VSX2: variants seen among roughly 807,000 people sequenced by gnomAD.
VSX2 encodes the protein ceh-10 homeo domain containing homolog.
A neutral mutation model predicts 32.1 loss-of-function variants in VSX2; 28 were observed. The ratio of observed to expected loss-of-function variants is 0.87; its 90% CI spans 0.65 to 1.20. The LOEUF is 1.20. VSX2 is among the 50% of genes most tolerant of loss of function. The probability of loss-of-function intolerance (pLI) is 0.00; values close to 1 mark genes in which losing one functional copy is unlikely to be tolerated. For synonymous variants in VSX2, 243 were observed against 214.1 expected (o/e 1.14, Z -1.18); for missense variants, 506 against 488.7 (o/e 1.04, Z -0.33).
chr14:74,258,671 G>A (rs2079283701), intron 3 of VSX2, among the ~76,000 whole-genome samples: 1 of 152,136 alleles, frequency 6.6e-6, no homozygotes, highest in Non-Finnish European at 1.5e-5. Flanking sequence ...GGAAATCTCC[G>A]GAAAGCTGCT....
At chr14:74,248,360 A>AAAAAAAAAAAAAAGAG (rs2079207802) in intron 3 of VSX2, among the ~76,000 whole-genome samples, 1 of 117,506 alleles carries the variant, frequency 8.5e-6, no homozygotes, top group Non-Finnish European at 2.0e-5. Flanking sequence ...AACAAAAAAA[A>AAAAAAAAAAAAAAGAG]CCAAAAACGA....
intron 3 of VSX2, 137 bp downstream of exon 3, chr14:74,245,425 C>A: frequency 1.6e-6 from 2 of 1,243,452 alleles, no homozygotes; most frequent in Non-Finnish European, 1.1e-6. Context: ...TGTTCTCAGC[C>A]TATTTAAGCT....
At chr14:74,252,070 T>C (rs926234058) in intron 3 of VSX2, among the ~76,000 whole-genome samples, 12 of 152,190 alleles carry the variant, frequency 7.9e-5, no homozygotes, top group Non-Finnish European at 1.5e-4. Flanking sequence ...TGGGAGATGA[T>C]TGAGGGATGG....
chr14:74,256,150 G>T (rs2079261044), intron 3 of VSX2, among the ~76,000 whole-genome samples: 1 of 152,128 alleles, frequency 6.6e-6, no homozygotes, highest in Admixed American at 6.6e-5. Flanking sequence ...ATTACTTTTG[G>T]CCAGGCACGG....
intron 2 of VSX2, among the ~76,000 whole-genome samples, chr14:74,242,113 A>G (rs1397265407): frequency 7.8e-6 from 1 of 127,598 alleles, no homozygotes; most frequent in Non-Finnish European, 1.6e-5. Flanking sequence ...CCTTGGGTAC[A>G]TTTGTAAGGT....
chr14:74,240,378 A>C (rs1185755796), intron 1 of VSX2, among the ~76,000 whole-genome samples: 3 of 152,086 alleles, frequency 2.0e-5, no homozygotes, highest in African/African-American at 7.2e-5. Flanking sequence ...AAGTTGTCTG[A>C]TTCCCAAATC....
chr14:74,254,784 A>ATTTT lies in VSX2; in HGVS notation c.580-4808_580-4805dup, dbSNP rs537753574. Reference sequence around the variant, plus strand: ...ATCCTCCAAAAACCCCGAAAAGTGGATTTTTTTTTTTTTGAGACGCAGTCT... The same window carrying ATTTT: ...ATCCTCCAAAAACCCCGAAAAGTGGATTTTTTTTTTTTTTTTTGAGACGCAGTCT... On this transcript the variant is annotated intron_variant, in intron 3 of 4. Transcript: ENST00000261980. 1.1e-4 allele frequency among the ~76,000 whole-genome samples: 13 copies of ATTTT among 116,612 alleles called. 2 individuals carry two copies. The highest frequency in any genetic ancestry group is 2.0e-4 in the African/African-American group (6 of 30,280). The allele number at this position is 116,612 out of a possible 152,430, so 76.5% of individuals were successfully genotyped here. A position where few individuals can be genotyped will look rare whatever the true frequency, so the allele number is the denominator to read the frequency against.
At chr14:74,255,856 C>A (rs557411243) in intron 3 of VSX2, among the ~76,000 whole-genome samples, 2 of 152,266 alleles carry the variant, frequency 1.3e-5, no homozygotes, top group Admixed American at 6.5e-5. Flanking sequence ...AATTTGGCAT[C>A]AAAACTCAGT....
In VSX2 at chr14:74,254,784, A is replaced by ATTT. The variant is rs537753574; in HGVS notation, c.580-4807_580-4805dup. On this transcript the variant is annotated intron_variant, in intron 3 of 4. Coordinates refer to ENST00000261980, the MANE Select transcript of VSX2 (RefSeq NM_182894.3). ...ATCCTCCAAAAACCCCGAAAAGTGG[A>ATTT]TTTTTTTTTTTTTGAGACGCAGTCT... Among the ~76,000 whole-genome samples the ATTT allele has an allele frequency of 9.9e-3, 1,159 of 116,624 alleles. 138 individuals are homozygous for ATTT. Among genetic ancestry groups the ATTT allele is most frequent in the African/African-American group, 0.025 (752 of 30,324 alleles). The allele number at this position is 116,624 out of a possible 152,430, so 76.5% of individuals were successfully genotyped here. A position where few individuals can be genotyped will look rare whatever the true frequency, so the allele number is the denominator to read the frequency against.
intron 3 of VSX2, among the ~76,000 whole-genome samples, chr14:74,251,494 G>T (rs2079228983): frequency 6.6e-6 from 1 of 152,168 alleles, no homozygotes; most frequent in South Asian, 2.1e-4. Flanking sequence ...ACCTCTTCAC[G>T]TTGGCATTTG....
chr14:74,256,801 G>A (rs1161273777), intron 3 of VSX2, among the ~76,000 whole-genome samples: 1 of 151,038 alleles, frequency 6.6e-6, no homozygotes, highest in Non-Finnish European at 1.5e-5. Flanking sequence ...AGCCTCCTGA[G>A]TAGCTGGGAT....
intron 3 of VSX2, among the ~76,000 whole-genome samples, chr14:74,257,055 A>AT (rs2079268349): frequency 6.6e-6 from 1 of 152,056 alleles, no homozygotes; most frequent in Non-Finnish European, 1.5e-5. Flanking sequence ...CAGATACGCT[A>AT]AGGGGAGGAT....
At chr14:74,256,616 G>A (rs1328462925) in intron 3 of VSX2, among the ~76,000 whole-genome samples, 2 of 151,960 alleles carry the variant, frequency 1.3e-5, no homozygotes, top group African/African-American at 2.4e-5. Flanking sequence ...CCATCACCAG[G>A]GGATTCATTC....
In VSX2 at chr14:74,245,179, C is replaced by T. The variant is rs551394732; in HGVS notation, c.470C>T (p.Ser157Phe). 1.9e-6 allele frequency: 3 copies of T among 1,613,686 alleles called. No homozygotes were observed. The highest frequency in any genetic ancestry group is 2.2e-5 in the South Asian group (2 of 91,040). ...GCTCCCCTCAGGACAATCTTTACCTCCTACCAGCTAGAGGAGCTGGAGAAG... is the reference window on the plus strand; with the variant it reads ...GCTCCCCTCAGGACAATCTTTACCTTCTACCAGCTAGAGGAGCTGGAGAAG... Reference protein sequence around the residue: ...KKRRHRTIFTSYQLEELEKAF... With the variant: ...KKRRHRTIFTFYQLEELEKAF... Residue 157 changes from serine (S) to phenylalanine (F), a missense_variant, in exon 3 of 5, where the codon TCC becomes TTC. Coordinates refer to ENST00000261980, the MANE Select transcript of VSX2 (RefSeq NM_182894.3).
rs1161610243 is a variant in VSX2, at chr14:74,244,925, T to TGAGAGA, written c.456-239_456-238insAGAGAG. ...GTGTGTGTGTGTGTGTGTGTGTGTG[T>TGAGAGA]GTGTGAAAGAGAGAGAGAAAGTGTG... is the stretch of plus-strand genomic sequence containing the variant. On this transcript the variant is annotated intron_variant, in intron 2 of 4. Coordinates refer to ENST00000261980, the MANE Select transcript of VSX2 (RefSeq NM_182894.3). 2.1e-4 allele frequency among the ~76,000 whole-genome samples: 9 copies of TGAGAGA among 42,022 alleles called. 1 individual carries two copies. The East Asian group carries it at 4.2e-3, about 20-fold the overall frequency. The allele number at this position is 42,022 out of a possible 152,430, so 27.6% of individuals were successfully genotyped here.
Position 74,243,665 on chromosome 14 carries a change from G to T in VSX2, c.456-1500G>T, listed in dbSNP as rs1770499048. ...AGCAGCAGATCTTCAAAATTCTCAA[G>T]AATTAACTTCGTGTGTGCATAAGCA... On this transcript the variant is annotated intron_variant, in intron 2 of 4. Coordinates refer to ENST00000261980, the MANE Select transcript of VSX2 (RefSeq NM_182894.3). Among the ~76,000 whole-genome samples the T allele has an allele frequency of 2.0e-5, 3 of 152,174 alleles. No individual in the cohort carries two copies. In the South Asian group the frequency reaches 6.2e-4, roughly 32 times the overall value.
intron 2 of VSX2, among the ~76,000 whole-genome samples, chr14:74,242,641 A>T (rs2079158106): frequency 6.8e-6 from 1 of 147,332 alleles, no homozygotes; most frequent in African/African-American, 2.5e-5. Flanking sequence ...TTTACATTCA[A>T]TTCATTCAAC....
intron 3 of VSX2, among the ~76,000 whole-genome samples, chr14:74,259,103 CCCCTG>C (rs1413310083): frequency 6.6e-6 from 1 of 152,182 alleles, no homozygotes; most frequent in Non-Finnish European, 1.5e-5. Context: ...CTAAGACTGT[CCCCTG>C]CCCTTTGTCC....
At position 74,239,783 on chromosome 14, in the gene VSX2, C is replaced by A. The variant is rs200824722; in HGVS notation, c.222C>A (p.Gly74=). 4 of 1,559,962 alleles carry A rather than the reference C, an allele frequency of 2.6e-6. No homozygotes were observed. Among genetic ancestry groups the A allele is most frequent in the Middle Eastern group, 2.1e-4 (1 of 4,812 alleles). ...CAGTGCTCAGCCCCGCGGGGGTGGGCGGCATGGGGCTTCTGGGGCCCGGGG... is the reference window on the plus strand; with the variant it reads ...CAGTGCTCAGCCCCGCGGGGGTGGGAGGCATGGGGCTTCTGGGGCCCGGGG... ...ARSVLSPAGV[G]GMGLLGPGGL... The change falls in exon 1 of 5, where the codon GGC becomes GGA. Residue 74 remains glycine, a synonymous_variant. Transcript: ENST00000261980.
Sources: allele counts gnomAD v4.1 joint callset (sites outside exome capture counted in the v4.1 genomes callset), GRCh38; gene constraint gnomAD v4.1.1; transcripts MANE v1.5; gene names NCBI Gene and HGNC (gene_info 2026-07-23, HGNC 2026-07-21).